ARHGAP22: variants seen among roughly 807,000 people sequenced by gnomAD.
The protein encoded by ARHGAP22 is Rho GTPase activating protein 22, also known as rho GTPase-activating protein 22.
In ARHGAP22, 48 loss-of-function variants were observed where a neutral mutation model predicts 59.1. The ratio of observed to expected loss-of-function variants is 0.81; its 90% CI spans 0.64 to 1.03. The LOEUF is 1.03. ARHGAP22 is among the 50% of genes least tolerant of loss of function. The probability of loss-of-function intolerance (pLI) is 0.00; values close to 1 mark genes in which losing one functional copy is unlikely to be tolerated. For synonymous variants in ARHGAP22, 445 were observed against 416.4 expected, an observed-to-expected ratio of 1.07 and a Z score of -0.84; for missense variants, 1,015 against 958.7, an observed-to-expected ratio of 1.06 and a Z score of -0.78.
intron 2 of ARHGAP22, among the ~76,000 whole-genome samples, chr10:48,557,080 G>A (rs1390028237): frequency 6.6e-6 from 1 of 152,244 alleles, no homozygotes; most frequent in African/African-American, 2.4e-5. Context: ...AGGAATTACA[G>A]CAATAAACCA....
intron 3 of ARHGAP22, among the ~76,000 whole-genome samples, chr10:48,535,380 C>G (rs1317748798): frequency 1.3e-5 from 2 of 152,186 alleles, no homozygotes; most frequent in Non-Finnish European, 2.9e-5. Context: ...CTCAGGGACC[C>G]AGGCTCCTTC....
chr10:48,586,674 G>A (rs983639404), intron 1 of ARHGAP22, among the ~76,000 whole-genome samples: 9 of 152,162 alleles, frequency 5.9e-5, no homozygotes, highest in South Asian at 2.1e-4. Flanking sequence ...TAATTTGAGC[G>A]TTCCTACTCC....
intron 3 of ARHGAP22, among the ~76,000 whole-genome samples, chr10:48,538,936 T>G (rs1178533489): frequency 6.6e-6 from 1 of 152,144 alleles, no homozygotes; most frequent in African/African-American, 2.4e-5. Flanking sequence ...AATAAAAAAA[T>G]GTAGTTCCTG....
At chr10:48,554,345 T>C (rs754001019) in intron 3 of ARHGAP22, among the ~76,000 whole-genome samples, 4 of 152,174 alleles carry the variant, frequency 2.6e-5, no homozygotes, top group Non-Finnish European at 5.9e-5. Flanking sequence ...GGACAGCCAA[T>C]AGATCATTTC....
At chr10:48,628,658 A>G (rs1458546972) in intron 1 of ARHGAP22, among the ~76,000 whole-genome samples, 1 of 152,208 alleles carries the variant, frequency 6.6e-6, no homozygotes, top group East Asian at 1.9e-4. Context: ...TTTAAAGCAT[A>G]TGAACTTTTT....
At chr10:48,450,170 G>A in intron 9 of ARHGAP22, 91 bp downstream of exon 9, 2 of 1,496,576 alleles carry the variant, frequency 1.3e-6, no homozygotes, top group South Asian at 1.3e-5. Flanking sequence ...CAGCGGCCCA[G>A]AGGTTAGGGG....
At chr10:48,564,924 G>A (rs1590215224) in intron 2 of ARHGAP22, among the ~76,000 whole-genome samples, 1 of 152,178 alleles carries the variant, frequency 6.6e-6, no homozygotes, top group African/African-American at 2.4e-5. Flanking sequence ...TCCGTCTTGG[G>A]AACAGCTCCC....
rs962572026 is a variant in ARHGAP22, at chr10:48,629,993, C to T, written c.52+22241G>A. 1.7e-3 allele frequency among the ~76,000 whole-genome samples: 264 copies of T among 152,290 alleles called. 1 individual carries two copies. The highest frequency in any genetic ancestry group is 6.1e-3 in the African/African-American group (254 of 41,562). Reference sequence around the variant, plus strand: ...CAGATTTGAAAAAAATTAATTTCAACTTTCAATTGTTCATTGCTGGTGTAT... The same window carrying T: ...CAGATTTGAAAAAAATTAATTTCAATTTTCAATTGTTCATTGCTGGTGTAT... On this transcript the variant is annotated intron_variant, in intron 1 of 9. Coordinates refer to the ARHGAP22 transcript ENST00000435790.
rs140103260 is a variant in ARHGAP22, at chr10:48,490,487, C to T, written c.323-10723G>A. On this transcript the variant is annotated intron_variant, in intron 3 of 9. Transcript: ENST00000249601. ...ATGCCCCAGTTAAGAAACATTGATA[C>T]GGAACAGCCAGATCTCTATTGCCTA... Among the ~76,000 whole-genome samples, 42 of 152,240 alleles carry T rather than the reference C, an allele frequency of 2.8e-4. No homozygotes were observed. In the East Asian group the frequency reaches 6.8e-3, roughly 25 times the overall value.
intron 3 of ARHGAP22, among the ~76,000 whole-genome samples, chr10:48,530,635 A>C (rs2054752523): frequency 6.6e-6 from 1 of 152,238 alleles, no homozygotes; most frequent in South Asian, 2.1e-4. Flanking sequence ...TCTCAAAAGA[A>C]GATATACAAA....
chr10:48,586,179 G>T (rs2059415352), intron 1 of ARHGAP22, among the ~76,000 whole-genome samples: 1 of 152,118 alleles, frequency 6.6e-6, no homozygotes, highest in African/African-American at 2.4e-5. Flanking sequence ...GATGGGTATT[G>T]GCACTCTCCT....
At chr10:48,606,756 T>G (rs1427120167), upstream of ARHGAP22, among the ~76,000 whole-genome samples, 1 of 152,186 alleles carries the variant, frequency 6.6e-6, no homozygotes, top group Non-Finnish European at 1.5e-5. Flanking sequence ...TGCCTTGTCC[T>G]CTTTGGGCAA....
intron 2 of ARHGAP22, among the ~76,000 whole-genome samples, chr10:48,577,800 G>GTTTTTTTTTT (rs2058824590): frequency 4.8e-5 from 2 of 41,962 alleles, no homozygotes; most frequent in African/African-American, 1.3e-4. Flanking sequence ...GCTCTTTTTT[G>GTTTTTTTTTT]GTTTTTTTTT....
intron 3 of ARHGAP22, among the ~76,000 whole-genome samples, chr10:48,555,137 T>C (rs1190957222): frequency 6.6e-6 from 1 of 152,226 alleles, no homozygotes; most frequent in East Asian, 1.9e-4. Flanking sequence ...GTGCTAGTGT[T>C]TTTCCCTGGC....
the ARHGAP22 span, chr10:48,431,132 A>G: frequency 2.9e-6 from 3 of 1,023,360 alleles, no homozygotes; most frequent in East Asian, 2.4e-5. Context: ...TAAACCATAC[A>G]TGCGTTGTGA....
chr10:48,643,569 C>T (rs1168012166), intron 1 of ARHGAP22, among the ~76,000 whole-genome samples: 6 of 147,836 alleles, frequency 4.1e-5, no homozygotes, highest in African/African-American at 7.5e-5. Context: ...CATTTGGACA[C>T]ACGAAGGGGA....
At chr10:48,572,049 GA>G (rs2058427986) in intron 2 of ARHGAP22, among the ~76,000 whole-genome samples, 1 of 152,130 alleles carries the variant, frequency 6.6e-6, no homozygotes, top group African/African-American at 2.4e-5. Context: ...GCTGTGATAG[GA>G]GGTCAAACAT....
downstream of ARHGAP22, among the ~76,000 whole-genome samples, chr10:48,443,212 T>C (rs754872439): frequency 3.3e-5 from 5 of 152,190 alleles, no homozygotes; most frequent in African/African-American, 1.2e-4. Context: ...TGTACAGACA[T>C]GCTCAAGAGT....
intron 3 of ARHGAP22, among the ~76,000 whole-genome samples, chr10:48,534,297 C>T (rs1193222694): frequency 2.0e-5 from 3 of 152,206 alleles, no homozygotes; most frequent in Admixed American, 2.0e-4. Flanking sequence ...ACTTGGCCAG[C>T]CTGCCCAGGG....
Sources: allele counts gnomAD v4.1 joint callset (sites outside exome capture counted in the v4.1 genomes callset), GRCh38; gene constraint gnomAD v4.1.1; transcripts MANE v1.5; gene names NCBI Gene and HGNC (gene_info 2026-07-23, HGNC 2026-07-21).